The following PI4KB variants were observed in gnomAD, a reference collection of about 807,000 sequenced individuals.
The protein encoded by PI4KB is phosphatidylinositol 4-kinase beta.
PI4KB carries 23 observed loss-of-function variants against 81.4 expected under a neutral mutation model. The ratio of observed to expected loss-of-function variants is 0.28; its 90% CI spans 0.20 to 0.40. The LOEUF (loss-of-function observed/expected upper bound fraction) is 0.40, where lower values mean the gene tolerates loss of function less well. Among genes scored for constraint, PI4KB ranks in the 10% least tolerant of loss-of-function variants. PI4KB has a pLI of 1.00. For missense variants in PI4KB, 651 were observed against 1,036.6 expected (o/e 0.63, Z 5.11); for synonymous variants, 381 against 406.8 (o/e 0.94, Z 0.76).
chr1:151,293,334 G>T (rs112714897), intron 11 of PI4KB: 1 of 1,368,292 alleles, frequency 7.3e-7, no homozygotes. Context: ...AGGCTGGAGG[G>T]AGTGGGCCCT....
In PI4KB at chr1:151,315,966, C is replaced by T; in HGVS notation, c.516G>A (p.Val172=). ...NRLFCFRNED[V]DFYLPQLLNM... is the part of the protein sequence containing the mutation. Reference sequence around the variant, plus strand: ...TAAGCAACTGGGGCAGATAGAAGTCCACGTCCTCGTTGCGAAAGCAGAAGA... The same window carrying T: ...TAAGCAACTGGGGCAGATAGAAGTCTACGTCCTCGTTGCGAAAGCAGAAGA... The change falls in exon 2 of 12, where the codon GTG becomes GTA. Residue 172 remains valine (V), a synonymous_variant. Coordinates refer to ENST00000368873, the MANE Select transcript of PI4KB (RefSeq NM_001369623.2). The T allele has an allele frequency of 6.2e-7, 1 of 1,612,920 alleles. No homozygotes were observed. The highest frequency in any genetic ancestry group is 8.5e-7 in the Non-Finnish European group (1 of 1,179,090).
chr1:151,293,986 C>T, intron 11 of PI4KB, 32 bp downstream of exon 11: 4 of 1,612,772 alleles, frequency 2.5e-6, no homozygotes, highest in Non-Finnish European at 3.4e-6. Flanking sequence ...AAGCCTGAGG[C>T]ACTATAGCAC....
chr1:151,304,612 TG>T (rs1695591714), intron 5 of PI4KB, among the ~76,000 whole-genome samples: 1 of 151,934 alleles, frequency 6.6e-6, no homozygotes, highest in Non-Finnish European at 1.5e-5. Context: ...CCCGAAGTGC[TG>T]GGATTGCAGG....
chr1:151,323,575 C>G (rs901252638), intron 1 of PI4KB, among the ~76,000 whole-genome samples: 1 of 146,822 alleles, frequency 6.8e-6, no homozygotes, highest in Admixed American at 6.8e-5. Context: ...AATACAAAAA[C>G]TTAGCCAGGC....
chr1:151,297,446 A>G (rs587748300), intron 9 of PI4KB, among the ~76,000 whole-genome samples: 1 of 148,576 alleles, frequency 6.7e-6, no homozygotes, highest in Non-Finnish European at 1.5e-5. Flanking sequence ...GGTTCAAGCA[A>G]TTCTCCTGCC....
intron 11 of PI4KB, chr1:151,293,527 G>T: frequency 1.4e-6 from 1 of 708,572 alleles, no homozygotes; most frequent in Non-Finnish European, 2.0e-6. Flanking sequence ...GTATACACCT[G>T]GAGCCTTGAG....
chr1:151,304,268 G>A (rs1398965277), intron 5 of PI4KB, among the ~76,000 whole-genome samples: 1 of 150,532 alleles, frequency 6.6e-6, no homozygotes, highest in Non-Finnish European at 1.5e-5. Context: ...TTTCTTAAAT[G>A]TCTAATTTCT....
Position 151,292,936 on chromosome 1 carries a change from C to T in PI4KB, c.2367G>A (p.Val789=), listed in dbSNP as rs1162962829. The T allele has an allele frequency of 1.9e-6, 3 of 1,614,172 alleles. No individual in the cohort carries two copies. The highest frequency in any genetic ancestry group is 1.7e-5 in the Admixed American group (1 of 60,024). ...SMTEEQLQLL[V]EQMVDGSMRS... ...GCATACTGCCATCCACCATCTGCTCCACCAGCAGCTGCAGCTGCTCCTCAG... is the reference window on the plus strand; with the variant it reads ...GCATACTGCCATCCACCATCTGCTCTACCAGCAGCTGCAGCTGCTCCTCAG... Residue 789 remains valine (V), a synonymous_variant, in exon 12 of 12, where the codon GTG becomes GTA. Transcript: ENST00000368873.
Position 151,301,967 on chromosome 1 carries a change from C to A in PI4KB, c.1626G>T (p.Arg542=), listed in dbSNP as rs780731992. ...CGTAGGGGGAGCCCTCTCTGATCCG[C>A]CTGTGAAGACAGAAGTAAAGGGTGT... ...ALKEPWQEKV[R]RIREGSPYGH... The change falls in exon 8 of 12, where the codon CGG becomes CGT. Residue 542 remains arginine (R), a splice_region_variant and synonymous_variant. Coordinates refer to ENST00000368873, the MANE Select transcript of PI4KB (RefSeq NM_001369623.2). 1 of 1,613,434 alleles carries A rather than the reference C, an allele frequency of 6.2e-7. No individual in the cohort carries two copies. Among genetic ancestry groups the A allele is most frequent in the Admixed American group, 1.7e-5 (1 of 60,028 alleles).
chr1:151,327,458 G>T (rs542507531), upstream of PI4KB: 53 of 397,292 alleles, frequency 1.3e-4, no homozygotes, highest in African/African-American at 9.9e-4. Flanking sequence ...CCTTCAGGCT[G>T]CCACAAGTTC....
chr1:151,311,569 G>A (rs1488867330), intron 2 of PI4KB, among the ~76,000 whole-genome samples: 1 of 152,226 alleles, frequency 6.6e-6, no homozygotes, highest in Admixed American at 6.5e-5. Context: ...GGATGTCAGA[G>A]TCTATTATGA....
Position 151,306,616 on chromosome 1 carries a change from T to G in PI4KB, c.1183-253A>C, listed in dbSNP as rs962997134. On this transcript the variant is annotated intron_variant, in intron 4 of 11. Transcript: ENST00000368873. ...GCTCCAAAATGTACAGATGATGTGC[T>G]TGGGCCAAACCACTCTAGACTATCA... is the stretch of plus-strand genomic sequence containing the variant. Among the ~76,000 whole-genome samples, 4 of 152,358 alleles carry G rather than the reference T, an allele frequency of 2.6e-5. No individual in the cohort carries two copies. In the East Asian group the frequency reaches 7.7e-4, roughly 29 times the overall value.
chr1:151,306,183 CGTT>C lies in PI4KB; in HGVS notation c.1360_1362del (p.Asn454del), dbSNP rs1372766766. 1 of 1,614,188 alleles carries C rather than the reference CGTT, an allele frequency of 6.2e-7. No homozygotes were observed. On this transcript the variant is annotated inframe_deletion, in exon 5 of 12. Coordinates refer to ENST00000368873, the MANE Select transcript of PI4KB (RefSeq NM_001369623.2). ...TCATCCACCGACCAGGCCTCATCATCGTTGTCATAGTTGGGCACAGTGCTGAAG... is the reference window on the plus strand; with the variant it reads ...TCATCCACCGACCAGGCCTCATCATCGTCATAGTTGGGCACAGTGCTGAAG...
chr1:151,319,759 C>T, intron 1 of PI4KB, among the ~76,000 whole-genome samples: 1 of 152,212 alleles, frequency 6.6e-6, no homozygotes. Context: ...CTATAGCTAA[C>T]AAAGGACTCA....
chr1:151,296,597 A>G (rs1694817086), intron 9 of PI4KB, among the ~76,000 whole-genome samples: 1 of 151,472 alleles, frequency 6.6e-6, no homozygotes, highest in Non-Finnish European at 1.5e-5. Context: ...CAGCCTCCCA[A>G]GTAGCTGGGA....
intron 5 of PI4KB, among the ~76,000 whole-genome samples, chr1:151,304,480 A>G (rs182204773): frequency 6.6e-6 from 1 of 150,382 alleles, no homozygotes; most frequent in African/African-American, 2.5e-5. Context: ...AGTAGCTGGG[A>G]TTACAGGCGC....
intron 6 of PI4KB, among the ~76,000 whole-genome samples, chr1:151,302,521 A>G (rs1450895858): frequency 1.3e-5 from 2 of 150,828 alleles, no homozygotes; most frequent in African/African-American, 4.9e-5. Flanking sequence ...ATATTCCTCT[A>G]CCAAGGCTGA....
intron 11 of PI4KB, chr1:151,293,566 G>A (rs935421351): frequency 5.9e-5 from 23 of 386,560 alleles, no homozygotes; most frequent in Non-Finnish European, 1.0e-4. Flanking sequence ...AGGGGGTCCT[G>A]GGCAAAAGAC....
At chr1:151,311,331 G>A (rs1245156401) in intron 2 of PI4KB, among the ~76,000 whole-genome samples, 1 of 152,200 alleles carries the variant, frequency 6.6e-6, no homozygotes, top group Non-Finnish European at 1.5e-5. Context: ...GGGCAGGAGG[G>A]CAGTGGTGAG....
Sources: allele counts gnomAD v4.1 joint callset (sites outside exome capture counted in the v4.1 genomes callset), GRCh38; gene constraint gnomAD v4.1.1; transcripts MANE v1.5; gene names NCBI Gene and HGNC (gene_info 2026-07-23, HGNC 2026-07-21).